The following PRMT9 variants were observed in gnomAD, a reference collection of about 807,000 sequenced individuals.
PRMT9 encodes protein arginine N-methyltransferase 9.
A neutral mutation model predicts 83.2 loss-of-function variants in PRMT9; 59 were observed. That is an observed-to-expected ratio of 0.71 (90% CI 0.57 to 0.88). The LOEUF is 0.88. PRMT9 is among the 40% of genes least tolerant of loss of function. PRMT9 has a pLI of 0.00. For missense variants in PRMT9, 947 were observed against 1,021.9 expected, an observed-to-expected ratio of 0.93 and a Z score of 1.00; for synonymous variants, 333 against 353.2, an observed-to-expected ratio of 0.94 and a Z score of 0.64.
chr4:147,656,607 C>A (rs1234223474), intron 8 of PRMT9, among the ~76,000 whole-genome samples: 2 of 151,548 alleles, frequency 1.3e-5, no homozygotes, highest in Admixed American at 1.3e-4. Context: ...CATGTCTCTA[C>A]TAAAAATACA....
At chr4:147,653,327 A>T (rs549319800) in intron 9 of PRMT9, among the ~76,000 whole-genome samples, 5 of 152,042 alleles carry the variant, frequency 3.3e-5, no homozygotes, top group Non-Finnish European at 7.4e-5. Context: ...CTGTAATCCT[A>T]GCTACTTGGG....
chr4:147,655,304 G>A (rs1030749832), intron 8 of PRMT9, among the ~76,000 whole-genome samples: 2 of 151,460 alleles, frequency 1.3e-5, no homozygotes, highest in African/African-American at 4.9e-5. Flanking sequence ...CTGAGACTAC[G>A]GATACATGCC....
In PRMT9 at chr4:147,660,955, T is replaced by G; in HGVS notation, c.1037A>C (p.Glu346Ala). The G allele has an allele frequency of 1.2e-6, 2 of 1,612,852 alleles. No homozygotes were observed. Among genetic ancestry groups the G allele is most frequent in the South Asian group, 2.2e-5 (2 of 91,040 alleles). Residue 346 changes from glutamate to alanine, a missense_variant, in exon 7 of 12, where the codon GAA becomes GCA. Transcript: ENST00000322396. ...QSPAYSSVDTEETIEPYTTEK... is the reference protein window; with the variant it reads ...QSPAYSSVDTAETIEPYTTEK... ...AGTTGTATAAGGTTCAATTGTTTCT[T>G]CAGTATCTACAGAAGAATAAGCCGG...
intron 1 of PRMT9, 104 bp downstream of exon 1, chr4:147,683,695 C>A: frequency 9.0e-7 from 1 of 1,105,418 alleles, no homozygotes; most frequent in Non-Finnish European, 1.3e-6. Flanking sequence ...CAGCAACCAC[C>A]CACCCAGGCA....
Position 147,642,837 on chromosome 4 carries a change from T to C in PRMT9, c.2149A>G (p.Thr717Ala), listed in dbSNP as rs184142821. Residue 717 changes from threonine (T) to alanine (A), a missense_variant, in exon 10 of 12, where the codon ACA (threonine) becomes GCA (alanine). By Grantham distance (58) the Thr-to-Ala change is moderately conservative (BLOSUM62 0). Transcript: ENST00000322396. ...TLLEENAVQGTERTLGLNIAP... is the reference protein window; with the variant it reads ...TLLEENAVQGAERTLGLNIAP... Reference sequence around the variant, plus strand: ...ATATTTAATCCAAGAGTACGTTCTGTTCCTTGAACAGCATTCTCCTCTAGG... The same window carrying C: ...ATATTTAATCCAAGAGTACGTTCTGCTCCTTGAACAGCATTCTCCTCTAGG... The C allele has an allele frequency of 1.7e-5, 28 of 1,613,866 alleles. No homozygotes were observed. Among genetic ancestry groups the C allele is most frequent in the Non-Finnish European group, 2.4e-5 (28 of 1,179,738 alleles).
chr4:147,669,963 A>G (rs72947870), intron 5 of PRMT9, among the ~76,000 whole-genome samples: 4,069 of 152,234 alleles, frequency 0.027, 184 homozygotes, highest in African/African-American at 0.093. Flanking sequence ...CTCCCTTCTG[A>G]TAATTTGCCA....
Position 147,683,896 on chromosome 4 carries a change from C to T in PRMT9, c.92G>A (p.Ser31Asn). The T allele has an allele frequency of 6.2e-7, 1 of 1,613,668 alleles. No homozygotes were observed. The highest frequency in any genetic ancestry group is 8.5e-7 in the Non-Finnish European group (1 of 1,179,986). Residue 31 changes from serine to asparagine, a missense_variant, in exon 1 of 12, where the codon AGC (serine) becomes AAC (asparagine). Transcript: ENST00000322396. The stretch of plus-strand genomic sequence containing the variant: ...CTGGACGCCCAGACAGTGCTCTGCG[C>T]TCTGCAAGGACCGCGACACCAGCTC... ...RDELVSRSLQSAEHCLGVQDF... is the reference protein window; with the variant it reads ...RDELVSRSLQNAEHCLGVQDF...
chr4:147,652,697 C>A (rs1222892877), intron 9 of PRMT9, among the ~76,000 whole-genome samples: 1 of 135,308 alleles, frequency 7.4e-6, no homozygotes, highest in Admixed American at 7.7e-5. Flanking sequence ...CCCCATTCTA[C>A]CCTACCCCGT....
chr4:147,683,509 T>G (rs941290401), intron 1 of PRMT9, among the ~76,000 whole-genome samples: 1 of 152,104 alleles, frequency 6.6e-6, no homozygotes, highest in East Asian at 1.9e-4. Flanking sequence ...GACGGCAGGA[T>G]TTTCCTCTGG....
intron 9 of PRMT9, among the ~76,000 whole-genome samples, chr4:147,647,761 G>GATCC (rs1248407242): frequency 2.4e-4 from 36 of 152,108 alleles, no homozygotes; most frequent in African/African-American, 8.0e-4. Context: ...GACCTCAAGT[G>GATCC]ATCCACCCAC....
In PRMT9 at chr4:147,670,710, T is replaced by G; in HGVS notation, c.777A>C (p.Ala259=). The change falls in exon 5 of 12, where the codon GCA becomes GCC. Residue 259 remains alanine (A), a synonymous_variant. Coordinates refer to ENST00000322396, the MANE Select transcript of PRMT9 (RefSeq NM_138364.4). ...VSLVVTETVD[A]GLFGEGIVES... Reference sequence around the variant, plus strand: ...CCACAATTCCTTCTCCAAATAAACCTGCATCGACAGTTTCTGTTACAACTA... The same window carrying G: ...CCACAATTCCTTCTCCAAATAAACCGGCATCGACAGTTTCTGTTACAACTA... 6.2e-7 allele frequency: 1 copy of G among 1,613,172 alleles called. No individual in the cohort carries two copies. The highest frequency in any genetic ancestry group is 8.5e-7 in the Non-Finnish European group (1 of 1,179,296).
chr4:147,676,024 AAGT>A (rs1451729049), intron 2 of PRMT9, among the ~76,000 whole-genome samples: 1 of 152,244 alleles, frequency 6.6e-6, no homozygotes, highest in Non-Finnish European at 1.5e-5. Context: ...GAACCATTGT[AAGT>A]CAAGAACAAA....
Position 147,654,555 on chromosome 4 carries a change from T to C in PRMT9, c.1342A>G (p.Lys448Glu), listed in dbSNP as rs1321395480. The C allele has an allele frequency of 2.5e-6, 4 of 1,610,068 alleles. No homozygotes were observed. In the African/African-American group the frequency reaches 5.3e-5, roughly 22 times the overall value. The stretch of plus-strand genomic sequence containing the variant: ...TCCATCATCACATGGTCTCCAGGCT[T>C]TATCCAGTAGTCTTCATTAAATAGT... ...PVQDLADYWI[K>E]PGDHVMMEVS... Residue 448 changes from lysine to glutamate, a missense_variant, in exon 9 of 12, where the codon AAG becomes GAG. Physicochemically the swap from Lys to Glu is moderately conservative, Grantham distance 56. Transcript: ENST00000322396.
In PRMT9 at chr4:147,683,659, T is replaced by C. The variant is rs181882909; in HGVS notation, c.189+140A>G. ...CGAGGACGTTGGATCGGCCAGCAAG[T>C]GAGAAAAAAGGGCCCTAAATATTAA... is the stretch of plus-strand genomic sequence containing the variant. On this transcript the variant is annotated intron_variant, in intron 1 of 11. Transcript: ENST00000322396. The C allele has an allele frequency of 1.3e-4, 109 of 822,266 alleles. No homozygotes were observed. The African/African-American group carries it at 1.7e-3, about 13-fold the overall frequency. The allele number at this position is 822,266 out of a possible 1,614,324, so 50.9% of individuals were successfully genotyped here. A position where few individuals can be genotyped will look rare whatever the true frequency, so the allele number is the denominator to read the frequency against.
At chr4:147,659,595 T>TTTTTG (rs1734804721) in intron 7 of PRMT9, among the ~76,000 whole-genome samples, 1 of 144,422 alleles carries the variant, frequency 6.9e-6, no homozygotes, top group African/African-American at 2.5e-5. Context: ...TTTTTTTTTC[T>TTTTTG]GAGACGGAGT....
rs1734351918 is a variant in PRMT9 at position 147,654,516 on chromosome 4, CT to C, written c.1380del (p.Asp461ThrfsTer4). The C allele has an allele frequency of 6.2e-7, 1 of 1,613,824 alleles. No homozygotes were observed. The highest frequency in any genetic ancestry group is 1.3e-5 in the African/African-American group (1 of 75,030). On this transcript the variant is annotated frameshift_variant, in exon 9 of 12. Transcript: ENST00000322396. LOFTEE classifies it high-confidence loss of function. ...ATACTCTGGATTCTTAAGTAACAGT[CT>C]TGACAAGATACTTCCATCATCACAT... The part of the protein sequence containing the change: ...GDHVMMEVSC[Q>X]DCYLRIQSIS...
chr4:147,645,565 A>C (rs898312737), intron 9 of PRMT9, among the ~76,000 whole-genome samples: 2 of 152,246 alleles, frequency 1.3e-5, no homozygotes, highest in South Asian at 4.1e-4. Context: ...TAAAGAAAAT[A>C]TGAAGTTTAT....
At chr4:147,645,003 TATC>T (rs1403895380) in intron 9 of PRMT9, among the ~76,000 whole-genome samples, 1 of 152,230 alleles carries the variant, frequency 6.6e-6, no homozygotes, top group Non-Finnish European at 1.5e-5. Flanking sequence ...AACTTTATAT[TATC>T]ATATGTACAT....
intron 8 of PRMT9, among the ~76,000 whole-genome samples, chr4:147,655,899 ATCTG>A (rs144440759): frequency 0.027 from 4,073 of 152,298 alleles, 185 homozygotes; most frequent in African/African-American, 0.093. Flanking sequence ...ACAAAAGATC[ATCTG>A]TCTAAGTTAC....
Sources: allele counts gnomAD v4.1 joint callset (sites outside exome capture counted in the v4.1 genomes callset), GRCh38; gene constraint gnomAD v4.1.1; transcripts MANE v1.5; gene names NCBI Gene and HGNC (gene_info 2026-07-23, HGNC 2026-07-21).